The following AFMID variants were observed in gnomAD, a reference collection of about 807,000 sequenced individuals.
AFMID encodes kynurenine formamidase.
Under a neutral mutation model 47.5 loss-of-function variants are expected in AFMID, and 39 were observed. The ratio of observed to expected loss-of-function variants is 0.82; its 90% CI spans 0.64 to 1.07. The LOEUF (loss-of-function observed/expected upper bound fraction) is 1.07, where lower values mean the gene tolerates loss of function less well. Ranked by LOEUF, AFMID falls within the 50% of genes least tolerant of loss-of-function variation. The pLI is 0.00. For missense variants in AFMID, 375 were observed against 387.5 expected, an observed-to-expected ratio of 0.97 and a Z score of 0.27; for synonymous variants, 130 against 153.2, an observed-to-expected ratio of 0.85 and a Z score of 1.12.
chr17:78,203,045 C>T, intron 4 of AFMID: 1 of 265,654 alleles, frequency 3.8e-6, no homozygotes, highest in Non-Finnish European at 7.1e-6. Flanking sequence ...GGTCTCAAAT[C>T]TTCCTCTCTC....
In AFMID at chr17:78,207,047, A is replaced by G. The variant is rs547095488; in HGVS notation, c.*110A>G. The G allele has an allele frequency of 6.0e-4, 724 of 1,201,558 alleles. 1 individual carries two copies. The highest frequency in any genetic ancestry group is 8.0e-4 in the Admixed American group (45 of 56,102). 74.4% of individuals were successfully genotyped at this position (1,201,558 alleles called of 1,614,324 possible). On this transcript the variant is annotated 3_prime_UTR_variant, in exon 11 of 11. Coordinates refer to ENST00000409257, the MANE Select transcript of AFMID (RefSeq NM_001010982.5). ...TTCAGTTTCCCCCAGCACCCAGGAG[A>G]GCCTTGCTGTGTCTGTCTGCCCGGC...
intron 1 of AFMID, among the ~76,000 whole-genome samples, chr17:78,188,726 A>G (rs1205541814): frequency 6.6e-6 from 1 of 152,020 alleles, no homozygotes; most frequent in Non-Finnish European, 1.5e-5. Context: ...CCTCCTGAGT[A>G]GCTGGGACTA....
rs369496538 is a variant in AFMID, at chr17:78,206,042, C to G, written c.877C>G (p.Leu293Val). ...GAATCTGACCCAGAAGGACAACGTG[C>G]TCACCCAGGTGGGGCCTCATCCCTG... ...VENLTQKDNV[L>V]TQIILKTIFQ Residue 293 changes from leucine to valine, a missense_variant, in exon 10 of 11, where the codon CTC (leucine) becomes GTC (valine). Leu to Val is a conservative substitution (Grantham distance 32, BLOSUM62 1). Coordinates refer to ENST00000409257, the MANE Select transcript of AFMID (RefSeq NM_001010982.5). 6.2e-7 allele frequency: 1 copy of G among 1,614,070 alleles called. No individual in the cohort carries two copies. Among genetic ancestry groups the G allele is most frequent in the Non-Finnish European group, 8.5e-7 (1 of 1,179,950 alleles).
Position 78,202,694 on chromosome 17 carries a change from G to A in AFMID, c.260-9G>A. The A allele has an allele frequency of 1.3e-6, 2 of 1,562,576 alleles. No individual in the cohort carries two copies. Among genetic ancestry groups the A allele is most frequent in the South Asian group, 1.2e-5 (1 of 85,158 alleles). The stretch of plus-strand genomic sequence containing the variant: ...GCCTTGCTCACACGCCCTGTGCTTG[G>A]TTTTGCAGCCTTGCCTTTCTTCCTG... On this transcript the variant is annotated splice_polypyrimidine_tract_variant and intron_variant, in intron 3 of 10. Coordinates refer to ENST00000409257, the MANE Select transcript of AFMID (RefSeq NM_001010982.5).
intron 2 of AFMID, among the ~76,000 whole-genome samples, chr17:78,202,026 A>G (rs938228562): frequency 2.6e-5 from 4 of 150,956 alleles, no homozygotes; most frequent in Non-Finnish European, 4.4e-5. Context: ...CACTGCACCC[A>G]GCCTGGCAGT....
chr17:78,196,237 C>T (rs112625468), intron 2 of AFMID, among the ~76,000 whole-genome samples: 78,052 of 151,344 alleles, frequency 0.52, 20,718 homozygotes, highest in South Asian at 0.64. Flanking sequence ...TGGTGGCGTG[C>T]GCCTATAATC....
chr17:78,196,391 T>C (rs1421276334), intron 2 of AFMID, among the ~76,000 whole-genome samples: 1 of 150,618 alleles, frequency 6.6e-6, no homozygotes, highest in Admixed American at 6.6e-5. Flanking sequence ...AAATTATTTC[T>C]ACCCAGCCAG....
intron 2 of AFMID, among the ~76,000 whole-genome samples, chr17:78,199,104 C>T (rs1023198266): frequency 2.0e-5 from 3 of 152,250 alleles, no homozygotes; most frequent in East Asian, 3.8e-4. Flanking sequence ...TGGTTGGTAA[C>T]GTGGGTGCTG....
intron 2 of AFMID, among the ~76,000 whole-genome samples, chr17:78,195,543 C>A (rs1323687356): frequency 2.1e-5 from 3 of 146,114 alleles, no homozygotes; most frequent in Non-Finnish European, 4.5e-5. Context: ...ACTCTTGTTA[C>A]CCAGGCTGGA....
intron 1 of AFMID, 68 bp downstream of exon 1, chr17:78,187,501 C>G: frequency 6.3e-7 from 1 of 1,588,338 alleles, no homozygotes; most frequent in Non-Finnish European, 8.6e-7. Context: ...ATTGGAATTC[C>G]AAGAAGGAAG....
chr17:78,206,808 A>T (rs1342831815), intron 10 of AFMID, 103 bp from the exon 11 acceptor site: 1 of 1,322,046 alleles, frequency 7.6e-7, no homozygotes, highest in Non-Finnish European at 1.1e-6. Flanking sequence ...TTGGGGTTGC[A>T]GACGTGAGCC....
At chr17:78,193,715 C>T (rs560482792) in intron 2 of AFMID, among the ~76,000 whole-genome samples, 8 of 152,044 alleles carry the variant, frequency 5.3e-5, no homozygotes, top group Non-Finnish European at 1.2e-4. Flanking sequence ...TGGCAGCTCA[C>T]GCATGTAATC....
chr17:78,189,310 C>T (rs556868753), intron 1 of AFMID, among the ~76,000 whole-genome samples: 1 of 151,062 alleles, frequency 6.6e-6, no homozygotes, highest in Admixed American at 6.6e-5. Context: ...GCAACCTCCA[C>T]CTCCCGAGTT....
chr17:78,192,075 C>T (rs560470411), intron 2 of AFMID, among the ~76,000 whole-genome samples: 4 of 149,692 alleles, frequency 2.7e-5, no homozygotes, highest in East Asian at 2.0e-4. Flanking sequence ...CTCGACTCAC[C>T]GCTAACTTCG....
intron 4 of AFMID, chr17:78,203,108 T>C (rs1448281795): frequency 4.7e-6 from 1 of 211,932 alleles, no homozygotes; most frequent in African/African-American, 2.5e-5. Flanking sequence ...TAACCCAGAC[T>C]GGAACGCAGT....
At chr17:78,202,472 A>G in intron 2 of AFMID, 27 bp from the exon 3 acceptor site, 1 of 1,606,980 alleles carries the variant, frequency 6.2e-7, no homozygotes, top group Non-Finnish European at 8.5e-7. Context: ...GCTTGTGCTG[A>G]CAGCGACTTG....
intron 4 of AFMID, chr17:78,203,668 A>G (rs2076305304): frequency 6.6e-6 from 1 of 152,150 alleles, no homozygotes; most frequent in East Asian, 1.9e-4. Flanking sequence ...GGATCTTGGC[A>G]GACACTGCTG....
chr17:78,193,975 C>T (rs113751018), intron 2 of AFMID, among the ~76,000 whole-genome samples: 27,583 of 128,330 alleles, frequency 0.21, 3,167 homozygotes, highest in Non-Finnish European at 0.29. Context: ...GACTCCATCT[C>T]AAAAAAAAAA....
At chr17:78,205,887 T>C in intron 9 of AFMID, 59 bp from the exon 10 acceptor site, 1 of 1,595,060 alleles carries the variant, frequency 6.3e-7, no homozygotes, top group South Asian at 1.1e-5. Flanking sequence ...TGGCCCCATG[T>C]CCTGCCCCAC....
Sources: allele counts gnomAD v4.1 joint callset (sites outside exome capture counted in the v4.1 genomes callset), GRCh38; gene constraint gnomAD v4.1.1; transcripts MANE v1.5; gene names NCBI Gene and HGNC (gene_info 2026-07-23, HGNC 2026-07-21).